The following RORB variants were observed in gnomAD, a reference collection of about 807,000 sequenced individuals.
RORB encodes nuclear receptor ROR-beta.
A neutral mutation model predicts 59.1 loss-of-function variants in RORB; 6 were observed. The observed-to-expected ratio is 0.10, with a 90% CI of 0.06 to 0.20. RORB has a LOEUF of 0.20. Ranked by LOEUF, RORB falls within the 10% of genes least tolerant of loss-of-function variation. The pLI is 1.00. For synonymous variants in RORB, 215 were observed against 204.5 expected, an observed-to-expected ratio of 1.05 and a Z score of -0.44; for missense variants, 320 against 560.5, an observed-to-expected ratio of 0.57 and a Z score of 4.33.
intron 2 of RORB, among the ~76,000 whole-genome samples, chr9:74,632,052 A>G (rs905959846): frequency 3.9e-5 from 6 of 152,194 alleles, no homozygotes; most frequent in African/African-American, 1.4e-4. Flanking sequence ...TTTTTAGATC[A>G]ATATCAAAAT....
At chr9:74,614,537 C>CA (rs1823279544) in intron 1 of RORB, among the ~76,000 whole-genome samples, 1 of 151,626 alleles carries the variant, frequency 6.6e-6, no homozygotes, top group African/African-American at 2.4e-5. Flanking sequence ...TTACTATGTA[C>CA]AATACATGTG....
chr9:74,589,663 A>G (rs1822856326), intron 1 of RORB, among the ~76,000 whole-genome samples: 1 of 152,166 alleles, frequency 6.6e-6, no homozygotes, highest in Non-Finnish European at 1.5e-5. Context: ...TGTAAACAAA[A>G]TTTAAAAAGA....
chr9:74,550,722 T>C (rs1563935016), intron 1 of RORB, among the ~76,000 whole-genome samples: 1 of 152,218 alleles, frequency 6.6e-6, no homozygotes, highest in Non-Finnish European at 1.5e-5. Context: ...CTGGTAATCA[T>C]AAACAGCAAA....
chr9:74,655,174 T>A (rs1029971913), intron 4 of RORB, among the ~76,000 whole-genome samples: 1 of 152,186 alleles, frequency 6.6e-6, no homozygotes, highest in Non-Finnish European at 1.5e-5. Flanking sequence ...ATGTAGGGAA[T>A]CTTAACTACT....
chr9:74,670,295 G>C (rs1051581468), intron 8 of RORB, among the ~76,000 whole-genome samples: 1 of 152,092 alleles, frequency 6.6e-6, no homozygotes, highest in African/African-American at 2.4e-5. Flanking sequence ...TCTAGTTCTT[G>C]CTTGCTCCAA....
intron 1 of RORB, among the ~76,000 whole-genome samples, chr9:74,540,150 A>T (rs924633124): frequency 3.3e-5 from 5 of 152,024 alleles, no homozygotes; most frequent in East Asian, 1.9e-4. Flanking sequence ...ATACTTTTTT[A>T]AAAAATATAT....
rs542821218 is a variant in RORB, at chr9:74,520,148, G to GA, written c.7+22175dup. Among the ~76,000 whole-genome samples the GA allele has an allele frequency of 2.1e-3, 314 of 149,148 alleles. 2 individuals are homozygous for GA. The highest frequency in any genetic ancestry group is 0.021 in the Middle Eastern group (6 of 286). On this transcript the variant is annotated intron_variant, in intron 1 of 9. Coordinates refer to ENST00000376896, the MANE Select transcript of RORB (RefSeq NM_006914.4). Reference sequence around the variant, plus strand: ...CAATGCTGTACAAAAAGAAAAGAAAGAAAAAAAAAATCAGCGGCTTAACCA... The same window carrying GA: ...CAATGCTGTACAAAAAGAAAAGAAAGAAAAAAAAAAATCAGCGGCTTAACCA...
intron 1 of RORB, among the ~76,000 whole-genome samples, chr9:74,515,810 C>T (rs890262681): frequency 6.6e-6 from 1 of 152,022 alleles, no homozygotes; most frequent in Non-Finnish European, 1.5e-5. Flanking sequence ...AGATCAATAT[C>T]CCAGTGACTA....
chr9:74,603,426 T>G (rs1823099728), intron 1 of RORB, among the ~76,000 whole-genome samples: 1 of 152,132 alleles, frequency 6.6e-6, no homozygotes, highest in South Asian at 2.1e-4. Flanking sequence ...TTGATTCTGT[T>G]GACTAAGGAT....
intron 1 of RORB, among the ~76,000 whole-genome samples, chr9:74,505,523 G>T (rs1419198534): frequency 6.6e-6 from 1 of 152,028 alleles, no homozygotes; most frequent in African/African-American, 2.4e-5. Context: ...GAACCCCAGG[G>T]ATGCTCAGGT....
intron 4 of RORB, among the ~76,000 whole-genome samples, chr9:74,649,631 G>A (rs1354962506): frequency 2.0e-5 from 3 of 152,122 alleles, no homozygotes. Context: ...CTAGTAACAT[G>A]TATAGTGCTT....
chr9:74,608,112 G>A (rs1019700919), intron 1 of RORB, among the ~76,000 whole-genome samples: 1 of 152,112 alleles, frequency 6.6e-6, no homozygotes, highest in African/African-American at 2.4e-5. Context: ...TAGAGTATCC[G>A]CTCAACAAAG....
At chr9:74,528,758 T>C (rs983644802) in intron 1 of RORB, among the ~76,000 whole-genome samples, 1 of 152,006 alleles carries the variant, frequency 6.6e-6, no homozygotes, top group Non-Finnish European at 1.5e-5. Flanking sequence ...TCCTATGCTT[T>C]AGATTTTGTT....
chr9:74,572,489 C>T (rs1208486001), intron 1 of RORB, among the ~76,000 whole-genome samples: 3 of 151,938 alleles, frequency 2.0e-5, no homozygotes, highest in African/African-American at 7.3e-5. Flanking sequence ...AGAAAGATGC[C>T]CCACCATGAT....
At chr9:74,518,341 A>T (rs898580186) in intron 1 of RORB, among the ~76,000 whole-genome samples, 2 of 152,012 alleles carry the variant, frequency 1.3e-5, no homozygotes, top group African/African-American at 4.8e-5. Context: ...ATGGGCATTT[A>T]AAAAATTGCC....
intron 1 of RORB, among the ~76,000 whole-genome samples, chr9:74,501,199 C>T (rs189802019): frequency 3.2e-4 from 48 of 152,220 alleles, no homozygotes; most frequent in African/African-American, 1.1e-3. Context: ...GTCGCTGGGG[C>T]GGATTAGAAA....
At chr9:74,528,581 A>G (rs947266037) in intron 1 of RORB, among the ~76,000 whole-genome samples, 2 of 151,908 alleles carry the variant, frequency 1.3e-5, no homozygotes, top group African/African-American at 4.8e-5. Context: ...TAGTTTTTAC[A>G]CTCTAACTGT....
At chr9:74,508,929 A>G (rs1825900775) in intron 1 of RORB, among the ~76,000 whole-genome samples, 1 of 151,520 alleles carries the variant, frequency 6.6e-6, no homozygotes, top group Admixed American at 6.6e-5. Flanking sequence ...CTCTGGCCAT[A>G]CTATTTTTTG....
chr9:74,604,561 T>C (rs1372851848), intron 1 of RORB, among the ~76,000 whole-genome samples: 2 of 152,222 alleles, frequency 1.3e-5, no homozygotes, highest in African/African-American at 4.8e-5. Context: ...CTTTAGCCGT[T>C]GGGATACAGC....
Sources: allele counts gnomAD v4.1 joint callset (sites outside exome capture counted in the v4.1 genomes callset), GRCh38; gene constraint gnomAD v4.1.1; transcripts MANE v1.5; gene names NCBI Gene and HGNC (gene_info 2026-07-23, HGNC 2026-07-21).